The following NBN variants were observed in gnomAD, a reference collection of about 807,000 sequenced individuals.
NBN encodes the protein nibrin.
Under a neutral mutation model 90.8 loss-of-function variants are expected in NBN, and 88 were observed. That is an observed-to-expected ratio of 0.97 (90% CI 0.82 to 1.16). NBN has a LOEUF of 1.16. Ranked by LOEUF, NBN falls within the 50% of genes most tolerant of loss-of-function variation. The probability of loss-of-function intolerance (pLI) is 0.00; values close to 1 mark genes in which losing one functional copy is unlikely to be tolerated. For missense variants in NBN, 894 were observed against 869.6 expected (o/e 1.03, Z -0.35); for synonymous variants, 328 against 295.1 (o/e 1.11, Z -1.14).
rs1554554267 is a variant in NBN, at chr8:89,937,072, G to T, written c.2188C>A (p.Gln730Lys). The T allele has an allele frequency of 6.2e-7, 1 of 1,612,052 alleles. No individual in the cohort carries two copies. Among genetic ancestry groups the T allele is most frequent in the Non-Finnish European group, 8.5e-7 (1 of 1,178,942 alleles). ...EEWLRQEMEV[Q>K]NQHAKEESLA... ...GACTCTTCTTTTGCATGTTGATTTT[G>T]TACCTGTCAAAATTAACATAATTTC... Residue 730 changes from glutamine (Q) to lysine (K), a missense_variant, in exon 15 of 16, where the codon CAA becomes AAA. Coordinates refer to ENST00000265433, the MANE Select transcript of NBN (RefSeq NM_002485.5).
intron 5 of NBN, among the ~76,000 whole-genome samples, chr8:89,972,668 T>A (rs1196636079): frequency 6.6e-6 from 1 of 152,242 alleles, no homozygotes. Flanking sequence ...CCATAACTTA[T>A]ACTTCTTTCT....
At chr8:89,947,715 C>T (rs1810258955) in intron 12 of NBN, 109 bp downstream of exon 12, 2 of 662,198 alleles carry the variant, frequency 3.0e-6, no homozygotes. Context: ...ATGAAGTAAG[C>T]CATAATTAGG....
Position 89,946,168 on chromosome 8 carries a change from T to G in NBN, c.2042A>C (p.Gln681Pro). 6.3e-7 allele frequency: 1 copy of G among 1,599,568 alleles called. No homozygotes were observed. Among genetic ancestry groups the G allele is most frequent in the Non-Finnish European group, 8.6e-7 (1 of 1,167,576 alleles). The change falls in exon 13 of 16, where the codon CAA becomes CCA. Residue 681 changes from glutamine (Q) to proline (P), a missense_variant. Gln to Pro is a moderately conservative substitution (Grantham distance 76, BLOSUM62 -1). Transcript: ENST00000265433. ...NPSGINDDYG[Q>P]LKNFKKFKKV... ...TTTGAATTTCTTGAAATTTTTTAGTTGACCATAATCATCATTTATGCCAGA... is the reference window on the plus strand; with the variant it reads ...TTTGAATTTCTTGAAATTTTTTAGTGGACCATAATCATCATTTATGCCAGA...
At chr8:89,959,617 G>C (rs1810899832) in intron 8 of NBN, among the ~76,000 whole-genome samples, 1 of 151,894 alleles carries the variant, frequency 6.6e-6, no homozygotes, top group East Asian at 1.9e-4. Context: ...TGCCAGGCAT[G>C]GTGGCACACA....
chr8:89,961,692 G>C (rs1046229280), intron 8 of NBN, among the ~76,000 whole-genome samples: 22 of 152,286 alleles, frequency 1.4e-4, no homozygotes, highest in African/African-American at 4.1e-4. Context: ...GTCGGGAGGA[G>C]GAAGGCTGCA....
At chr8:89,972,443 G>A (rs910276591) in intron 5 of NBN, among the ~76,000 whole-genome samples, 3 of 152,168 alleles carry the variant, frequency 2.0e-5, no homozygotes, top group Non-Finnish European at 4.4e-5. Context: ...AGGCAACTGC[G>A]TTAGTTATGG....
chr8:89,948,006 TAA>T (rs1563516863), intron 11 of NBN, 114 bp from the exon 12 acceptor site: 2 of 615,378 alleles, frequency 3.3e-6, no homozygotes, highest in African/African-American at 1.9e-5. Flanking sequence ...TCTAAAAACT[TAA>T]GAGATATTCA....
chr8:89,946,911 T>C lies in NBN; in HGVS notation c.1915-616A>G, dbSNP rs1048914129. 3.9e-5 allele frequency among the ~76,000 whole-genome samples: 6 copies of C among 152,316 alleles called. No homozygotes were observed. The East Asian group carries it at 9.6e-4, about 24-fold the overall frequency. ...GCTGGATGAGATTCTTGGCTTCGTG[T>C]CATTTACTATTAACTAGTCAGTTAC... On this transcript the variant is annotated intron_variant, in intron 12 of 15. Coordinates refer to ENST00000265433, the MANE Select transcript of NBN (RefSeq NM_002485.5).
Position 89,955,358 on chromosome 8 carries a change from T to C in NBN, c.1322A>G (p.Lys441Arg), listed in dbSNP as rs1329281031. The C allele has an allele frequency of 6.2e-7, 1 of 1,613,734 alleles. No homozygotes were observed. The highest frequency in any genetic ancestry group is 1.3e-5 in the African/African-American group (1 of 74,892). ...LSPTKLPSIN[K>R]SKDRASQQQQ... The stretch of plus-strand genomic sequence containing the variant: ...CTGCTGAGAAGCCCTATCTTTACTT[T>C]TATTTATACTTGGCAATTTAGTTGG... The change falls in exon 10 of 16, where the codon AAA becomes AGA. Residue 441 changes from lysine to arginine, a missense_variant. By Grantham distance (26) the Lys-to-Arg change is conservative (BLOSUM62 2). Transcript: ENST00000265433.
In NBN at chr8:89,953,257, C is replaced by T. The variant is rs1320533210; in HGVS notation, c.1832G>A (p.Ser611Asn). Residue 611 changes from serine to asparagine, a missense_variant, in exon 11 of 16, where the codon AGT becomes AAT. Ser to Asn is a conservative substitution (Grantham distance 46). Transcript: ENST00000265433. Reference sequence around the variant, plus strand: ...AATGTTACTTACAGATATTTTGCTACTTTCTGGTACTGCTTCATCACTGAA... The same window carrying T: ...AATGTTACTTACAGATATTTTGCTATTTTCTGGTACTGCTTCATCACTGAA... ...DTFSDEAVPE[S>N]SKISQENEIG... is the part of the protein sequence containing the mutation. 1 of 1,610,192 alleles carries T rather than the reference C, an allele frequency of 6.2e-7. No individual in the cohort carries two copies. Among genetic ancestry groups the T allele is most frequent in the South Asian group, 1.1e-5 (1 of 90,998 alleles).
rs569165841 is a variant in NBN, at chr8:89,953,171, A to C, written c.1845+73T>G. On this transcript the variant is annotated intron_variant, in intron 11 of 15. Coordinates refer to ENST00000265433, the MANE Select transcript of NBN (RefSeq NM_002485.5). ...ACATTAATGGATGCTCATACTGTCA[A>C]TACAAAATCGAAAGTACCTGTTAGC... 1.2e-5 allele frequency: 13 copies of C among 1,107,850 alleles called. No individual in the cohort carries two copies. In the African/African-American group the frequency reaches 1.8e-4, roughly 16 times the overall value. 68.6% of individuals were successfully genotyped at this position (1,107,850 alleles called of 1,614,324 possible).
chr8:89,977,275 G>A (rs540713797), intron 5 of NBN, among the ~76,000 whole-genome samples: 33 of 151,156 alleles, frequency 2.2e-4, no homozygotes, highest in Non-Finnish European at 3.8e-4. Flanking sequence ...CTGTGGCCAC[G>A]TGTTCTCATT....
chr8:89,943,328 AATG>A lies in NBN; in HGVS notation c.2106_2108del (p.Ile703del), dbSNP rs1810037591. On this transcript the variant is annotated inframe_deletion, in exon 14 of 16. Transcript: ENST00000265433. Reference sequence around the variant, plus strand: ...GATGAGCTATTAGATCTGATCCTCCAATGATGTGTGGAAGTTTTCCTGCTCCAG... The same window carrying A: ...GATGAGCTATTAGATCTGATCCTCCAATGTGTGGAAGTTTTCCTGCTCCAG... 1 of 1,611,386 alleles carries A rather than the reference AATG, an allele frequency of 6.2e-7. No homozygotes were observed. The highest frequency in any genetic ancestry group is 8.5e-7 in the Non-Finnish European group (1 of 1,177,724).
At position 89,946,275 on chromosome 8, in the gene NBN, A is replaced by T. The variant is rs1172294340; in HGVS notation, c.1935T>A (p.Asp645Glu). The change falls in exon 13 of 16, where the codon GAT becomes GAA. Residue 645 changes from aspartate (D) to glutamate (E), a missense_variant. Coordinates refer to ENST00000265433, the MANE Select transcript of NBN (RefSeq NM_002485.5). ...GCTTTTTTGGAAGCATCTCACTATCATCCTGAAGTTTGTCATTGTTCTTAA... is the reference window on the plus strand; with the variant it reads ...GCTTTTTTGGAAGCATCTCACTATCTTCCTGAAGTTTGTCATTGTTCTTAA... ...KEISNNDKLQ[D>E]DSEMLPKKLL... is the part of the protein sequence containing the mutation. 1 of 1,583,560 alleles carries T rather than the reference A, an allele frequency of 6.3e-7. No homozygotes were observed. Among genetic ancestry groups the T allele is most frequent in the Admixed American group, 1.7e-5 (1 of 59,954 alleles).
At chr8:89,962,445 A>T (rs556365752) in intron 8 of NBN, among the ~76,000 whole-genome samples, 3 of 152,352 alleles carry the variant, frequency 2.0e-5, no homozygotes, top group African/African-American at 7.2e-5. Flanking sequence ...ACAAAATAAT[A>T]TCTACAGCAC....
rs534592071 is a variant in NBN, at chr8:89,966,477, T to A, written c.897-1970A>T. Among the ~76,000 whole-genome samples the A allele has an allele frequency of 6.4e-4, 98 of 152,324 alleles. 1 individual carries two copies. Among genetic ancestry groups the A allele is most frequent in the Non-Finnish European group, 1.2e-3 (81 of 68,016 alleles). On this transcript the variant is annotated intron_variant, in intron 7 of 15. Coordinates refer to ENST00000265433, the MANE Select transcript of NBN (RefSeq NM_002485.5). ...ATAATATCAGAGAATATGTACTAGCTAGGAATAAATACAGTAAGATATTCA... is the reference window on the plus strand; with the variant it reads ...ATAATATCAGAGAATATGTACTAGCAAGGAATAAATACAGTAAGATATTCA...
intron 5 of NBN, among the ~76,000 whole-genome samples, chr8:89,973,451 T>C (rs1811603898): frequency 6.6e-6 from 1 of 152,236 alleles, no homozygotes; most frequent in Admixed American, 6.5e-5. Flanking sequence ...AACTGTATTA[T>C]CTAGAAGCTA....
At chr8:89,961,163 C>G (rs1810973710) in intron 8 of NBN, among the ~76,000 whole-genome samples, 1 of 152,198 alleles carries the variant, frequency 6.6e-6, no homozygotes, top group Non-Finnish European at 1.5e-5. Context: ...TATACCTTAT[C>G]TTTTAATAGA....
intron 5 of NBN, among the ~76,000 whole-genome samples, chr8:89,975,229 C>A (rs1363264079): frequency 2.6e-5 from 4 of 152,172 alleles, no homozygotes; most frequent in African/African-American, 9.7e-5. Context: ...GTAGACATAG[C>A]TGTACTAAAT....
Sources: gnomAD v4.1 joint callset for allele counts (sites outside exome capture counted in the v4.1 genomes callset) on GRCh38, gnomAD v4.1.1 for gene constraint, MANE v1.5 for transcripts, NCBI Gene and HGNC (gene_info 2026-07-23, HGNC 2026-07-21) for gene names.